Variants in SLC2A9 observed in about 807,000 individuals in gnomAD.
SLC2A9 encodes solute carrier family 2, facilitated glucose transporter member 9.
SLC2A9 carries 39 observed loss-of-function variants against 50.6 expected under a neutral mutation model. The ratio of observed to expected loss-of-function variants is 0.77; its 90% CI spans 0.60 to 1.01. The LOEUF (loss-of-function observed/expected upper bound fraction) is 1.01, where lower values mean the gene tolerates loss of function less well. SLC2A9 is among the 50% of genes least tolerant of loss of function. The pLI, the probability that SLC2A9 is intolerant of heterozygous loss-of-function variation, is 0.00. For missense variants in SLC2A9, 686 were observed against 677.6 expected (o/e 1.01, Z -0.14); for synonymous variants, 324 against 276.9 (o/e 1.17, Z -1.69).
At chr4:9,961,690 A>T (rs1398996512) in intron 5 of SLC2A9, among the ~76,000 whole-genome samples, 1 of 152,190 alleles carries the variant, frequency 6.6e-6, no homozygotes, top group Non-Finnish European at 1.5e-5. Flanking sequence ...AAAAGCAAAA[A>T]TTGACAAATG....
At chr4:9,800,868 G>C (rs1451179349) in intron 3 of SLC2A9, among the ~76,000 whole-genome samples, 1 of 152,010 alleles carries the variant, frequency 6.6e-6, no homozygotes, top group Non-Finnish European at 1.5e-5. Flanking sequence ...GTATCCTTGG[G>C]GTCCTGAAAC....
At chr4:9,781,392 G>A (rs1718339309) in intron 3 of SLC2A9, among the ~76,000 whole-genome samples, 1 of 152,220 alleles carries the variant, frequency 6.6e-6, no homozygotes, top group African/African-American at 2.4e-5. Context: ...AGCGTGGCCA[G>A]GGCTAAGGCT....
At chr4:9,792,268 TTGGGCTCTGG>T (rs1720030145) in intron 3 of SLC2A9, among the ~76,000 whole-genome samples, 1 of 149,714 alleles carries the variant, frequency 6.7e-6, no homozygotes, top group Non-Finnish European at 1.5e-5. Context: ...CCTTAAACTC[TTGGGCTCTGG>T]TGATCCTCCT....
intron 7 of SLC2A9, among the ~76,000 whole-genome samples, chr4:9,918,864 T>A (rs1451278713): frequency 6.6e-6 from 1 of 152,060 alleles, no homozygotes; most frequent in Non-Finnish European, 1.5e-5. Context: ...ATCATCAACA[T>A]GGGAGGGCAG....
At chr4:9,888,646 CAG>C (rs1560245992) in intron 9 of SLC2A9, among the ~76,000 whole-genome samples, 1 of 151,884 alleles carries the variant, frequency 6.6e-6, no homozygotes, top group Non-Finnish European at 1.5e-5. Flanking sequence ...TAGGCTGAGC[CAG>C]AGTCAGCCCA....
At position 9,843,554 on chromosome 4, in the gene SLC2A9, C is replaced by T. The variant is rs186472223; in HGVS notation, c.1292-8546G>A. 5.9e-5 allele frequency among the ~76,000 whole-genome samples: 9 copies of T among 152,172 alleles called. No homozygotes were observed. The East Asian group carries it at 1.7e-3, about 30-fold the overall frequency. ...TTGGAGCATGCTGCTTGAATCAGAC[C>T]ATCTGGGTTAGAGTCTTGGCTCTGC... is the stretch of plus-strand genomic sequence containing the variant. On this transcript the variant is annotated intron_variant, in intron 10 of 11. Coordinates refer to ENST00000264784, the MANE Select transcript of SLC2A9 (RefSeq NM_020041.3).
chr4:9,817,361 T>C (rs1028992111), intron 3 of SLC2A9, among the ~76,000 whole-genome samples: 11 of 152,222 alleles, frequency 7.2e-5, no homozygotes, highest in African/African-American at 2.7e-4. Context: ...TCAATGTTTG[T>C]CAGGCACCTT....
intron 5 of SLC2A9, among the ~76,000 whole-genome samples, chr4:9,954,469 C>T (rs867403297): frequency 5.9e-5 from 9 of 152,370 alleles, no homozygotes; most frequent in South Asian, 2.1e-4. Context: ...CCTAACTTCA[C>T]GACGGAGTTA....
intron 11 of SLC2A9, among the ~76,000 whole-genome samples, chr4:9,832,097 C>T (rs573171572): frequency 3.3e-5 from 5 of 152,300 alleles, no homozygotes; most frequent in African/African-American, 7.2e-5. Flanking sequence ...TTGGTCATGG[C>T]GGCCCGAGGC....
chr4:9,985,140 C>A (rs937963382), intron 4 of SLC2A9, among the ~76,000 whole-genome samples: 3 of 152,132 alleles, frequency 2.0e-5, no homozygotes. Context: ...GCTTTGTTTT[C>A]TTCCTAGGAC....
intron 10 of SLC2A9, among the ~76,000 whole-genome samples, chr4:9,863,707 T>C (rs764996866): frequency 5.8e-5 from 8 of 138,674 alleles, no homozygotes; most frequent in Non-Finnish European, 1.1e-4. Context: ...CGCTGACCAC[T>C]CTTTTGCTCG....
chr4:9,951,880 T>G (rs1014420244), intron 5 of SLC2A9, among the ~76,000 whole-genome samples: 6 of 152,224 alleles, frequency 3.9e-5, no homozygotes, highest in Non-Finnish European at 8.8e-5. Context: ...AATGTTTGGA[T>G]GAATGGTTGC....
intron 10 of SLC2A9, among the ~76,000 whole-genome samples, chr4:9,849,434 A>G (rs2109300597): frequency 6.6e-6 from 1 of 152,322 alleles, no homozygotes; most frequent in South Asian, 2.1e-4. Context: ...CAGTCATGAG[A>G]CTTAGATTGT....
chr4:9,985,642 T>A, intron 4 of SLC2A9, 27 bp downstream of exon 4: 1 of 1,613,758 alleles, frequency 6.2e-7, no homozygotes, highest in Non-Finnish European at 8.5e-7. Context: ...ATGTTACTGT[T>A]CCCTCCCCGT....
intron 2 of SLC2A9, among the ~76,000 whole-genome samples, chr4:10,002,163 G>A (rs1426861206): frequency 1.3e-5 from 2 of 152,202 alleles, no homozygotes; most frequent in African/African-American, 4.8e-5. Context: ...ACCAGCTCTG[G>A]GAGTGATTTA....
At chr4:9,852,849 C>A (rs775844976) in intron 10 of SLC2A9, among the ~76,000 whole-genome samples, 2 of 152,168 alleles carry the variant, frequency 1.3e-5, no homozygotes, top group Non-Finnish European at 2.9e-5. Flanking sequence ...ATCAAATCTG[C>A]ACATACCAGT....
chr4:9,874,411 C>T (rs114104836), intron 10 of SLC2A9, among the ~76,000 whole-genome samples: 1,574 of 152,336 alleles, frequency 0.01, 20 homozygotes, highest in Non-Finnish European at 0.017. Flanking sequence ...TGTACCCCCA[C>T]AGCTGTCTGC....
chr4:9,843,147 G>A (rs952372837), intron 10 of SLC2A9, among the ~76,000 whole-genome samples: 2 of 152,086 alleles, frequency 1.3e-5, no homozygotes, highest in East Asian at 1.9e-4. Flanking sequence ...AGAGAGCTGG[G>A]GAAGTCCTCA....
intron 3 of SLC2A9, among the ~76,000 whole-genome samples, chr4:9,818,437 T>C (rs563056617): frequency 2.6e-5 from 4 of 152,334 alleles, no homozygotes; most frequent in African/African-American, 9.6e-5. Flanking sequence ...GTCAAGACTA[T>C]TGCAATAGCG....
Sources: gnomAD v4.1 joint callset for allele counts (sites outside exome capture counted in the v4.1 genomes callset) on GRCh38, gnomAD v4.1.1 for gene constraint, MANE v1.5 for transcripts, NCBI Gene and HGNC (gene_info 2026-07-23, HGNC 2026-07-21) for gene names.